The following RCOR1 variants were observed in gnomAD, a reference collection of about 807,000 sequenced individuals.
RCOR1 encodes the protein REST corepressor.
Under a neutral mutation model 64.0 loss-of-function variants are expected in RCOR1, and 12 were observed. The ratio of observed to expected loss-of-function variants is 0.19; its 90% CI spans 0.12 to 0.30. The LOEUF (loss-of-function observed/expected upper bound fraction) is 0.30, where lower values mean the gene tolerates loss of function less well. Ranked by LOEUF, RCOR1 falls within the 10% of genes least tolerant of loss-of-function variation. The probability of loss-of-function intolerance (pLI) is 1.00; values close to 1 mark genes in which losing one functional copy is unlikely to be tolerated. For synonymous variants in RCOR1, 279 were observed against 227.2 expected (o/e 1.23, Z -2.05); for missense variants, 502 against 621.2 (o/e 0.81, Z 2.04).
At chr14:102,632,712 CCTT>C in intron 2 of RCOR1, among the ~76,000 whole-genome samples, 1 of 106,766 alleles carries the variant, frequency 9.4e-6, no homozygotes, top group Non-Finnish European at 1.9e-5. Context: ...CTTTCCTTTT[CCTT>C]TCCTTTCCTT....
intron 2 of RCOR1, among the ~76,000 whole-genome samples, chr14:102,617,188 T>C (rs1249541089): frequency 1.3e-5 from 2 of 152,226 alleles, no homozygotes; most frequent in African/African-American, 2.4e-5. Context: ...TCTAAATGCA[T>C]GCAGTTTTTT....
chr14:102,594,001 C>T (rs1189707383), intron 2 of RCOR1, among the ~76,000 whole-genome samples: 1 of 152,110 alleles, frequency 6.6e-6, no homozygotes, highest in African/African-American at 2.4e-5. Flanking sequence ...TGAGAAGCAT[C>T]AGAAGCTTTA....
At position 102,642,449 on chromosome 14, in the gene RCOR1, G is replaced by T. The variant is rs547740200; in HGVS notation, c.362-39446G>T. On this transcript the variant is annotated intron_variant, in intron 2 of 11. Coordinates refer to ENST00000262241, the MANE Select transcript of RCOR1 (RefSeq NM_015156.4). ...TCATTTGTTAAGAGTGATAATATTTGTCTCATAGGGTTGATACAAGGAGGA... is the reference window on the plus strand; with the variant it reads ...TCATTTGTTAAGAGTGATAATATTTTTCTCATAGGGTTGATACAAGGAGGA... Among the ~76,000 whole-genome samples, 5 of 152,320 alleles carry T rather than the reference G, an allele frequency of 3.3e-5. No homozygotes were observed. In the South Asian group the frequency reaches 1.0e-3, roughly 32 times the overall value.
At chr14:102,637,590 A>G (rs1894271052) in intron 2 of RCOR1, among the ~76,000 whole-genome samples, 1 of 152,074 alleles carries the variant, frequency 6.6e-6, no homozygotes. Context: ...AGCTAGGACC[A>G]CAGGCACCAT....
At chr14:102,657,464 A>T (rs1894750170) in intron 2 of RCOR1, 1 of 984,076 alleles carries the variant, frequency 1.0e-6, no homozygotes, top group African/African-American at 1.7e-5. Context: ...AGTCTTACTC[A>T]TCCTTTTTGA....
intron 2 of RCOR1, among the ~76,000 whole-genome samples, chr14:102,622,873 G>A (rs12588817): frequency 0.55 from 83,153 of 152,044 alleles, 25,182 homozygotes; most frequent in South Asian, 0.7. Context: ...CCTGATTTTT[G>A]CTGCTTAATC....
chr14:102,657,380 T>C, intron 2 of RCOR1: 1 of 985,382 alleles, frequency 1.0e-6, no homozygotes, highest in Non-Finnish European at 1.2e-6. Context: ...ACCGATTTAC[T>C]TCTTCTTGGA....
chr14:102,724,575 C>G (rs115333952), intron 11 of RCOR1, among the ~76,000 whole-genome samples: 1 of 152,140 alleles, frequency 6.6e-6, no homozygotes, highest in African/African-American at 2.4e-5. Context: ...TCAAGTGATC[C>G]GCTCGCCTCT....
chr14:102,673,702 G>A (rs1895080968), intron 2 of RCOR1, among the ~76,000 whole-genome samples: 1 of 151,704 alleles, frequency 6.6e-6, no homozygotes. Flanking sequence ...CGCAACCTCC[G>A]CCTCCCGGGT....
At chr14:102,709,664 A>G (rs1231050920) in intron 6 of RCOR1, among the ~76,000 whole-genome samples, 1 of 152,236 alleles carries the variant, frequency 6.6e-6, no homozygotes, top group African/African-American at 2.4e-5. Flanking sequence ...ATTATCGACC[A>G]TGATACATCT....
chr14:102,671,082 TA>T (rs1377225081), intron 2 of RCOR1, among the ~76,000 whole-genome samples: 1 of 152,132 alleles, frequency 6.6e-6, no homozygotes, highest in Non-Finnish European at 1.5e-5. Flanking sequence ...CCCTATCTTA[TA>T]ATTATTGATA....
At chr14:102,597,202 C>G (rs375913577) in intron 2 of RCOR1, among the ~76,000 whole-genome samples, 48 of 152,060 alleles carry the variant, frequency 3.2e-4, no homozygotes, top group African/African-American at 1.1e-3. Context: ...TGTCTTTGTT[C>G]TTCTCTTTTA....
rs980318944 is a variant in RCOR1, at chr14:102,722,218, A to C, written c.1221A>C (p.Ala407=). Residue 407 remains alanine (A), a synonymous_variant, in exon 11 of 12, where the codon GCA becomes GCC. Coordinates refer to ENST00000262241, the MANE Select transcript of RCOR1 (RefSeq NM_015156.4). ...GGAAATATGGCCGAGATTTTCAGGCAATCTCAGACGTGATTGGGAACAAAT... is the reference window on the plus strand; with the variant it reads ...GGAAATATGGCCGAGATTTTCAGGCCATCTCAGACGTGATTGGGAACAAAT... ...AIRKYGRDFQ[A]ISDVIGNKSV... 1.9e-6 allele frequency: 3 copies of C among 1,614,046 alleles called. No homozygotes were observed. The African/African-American group carries it at 4.0e-5, about 22-fold the overall frequency.
chr14:102,701,188 C>A, intron 3 of RCOR1, 90 bp from the exon 4 acceptor site: 1 of 1,047,070 alleles, frequency 9.6e-7, no homozygotes, highest in Non-Finnish European at 1.5e-6. Context: ...TATCAGCAGG[C>A]CTGAAATATA....
At chr14:102,706,662 C>T (rs1212814181) in intron 4 of RCOR1, among the ~76,000 whole-genome samples, 2 of 152,010 alleles carry the variant, frequency 1.3e-5, no homozygotes, top group East Asian at 1.9e-4. Context: ...CCTGTCTCTA[C>T]AGAAAGTACA....
At chr14:102,706,653 C>G (rs1024050453) in intron 4 of RCOR1, among the ~76,000 whole-genome samples, 5 of 152,108 alleles carry the variant, frequency 3.3e-5, no homozygotes, top group African/African-American at 7.2e-5. Context: ...TGGCAAAACC[C>G]TGTCTCTACA....
intron 10 of RCOR1, 186 bp downstream of exon 10, chr14:102,721,563 A>ATT: frequency 2.4e-5 from 8 of 334,162 alleles, no homozygotes; most frequent in East Asian, 4.8e-5. Flanking sequence ...AAAAAAAAAA[A>ATT]TTTTTTTTTT....
At chr14:102,624,152 C>T (rs1026082894) in intron 2 of RCOR1, among the ~76,000 whole-genome samples, 26 of 151,614 alleles carry the variant, frequency 1.7e-4, no homozygotes, top group African/African-American at 5.6e-4. Context: ...GCTGAAATTG[C>T]GCCACTGCAC....
chr14:102,643,259 G>A (rs1894409226), intron 2 of RCOR1: 14 of 749,992 alleles, frequency 1.9e-5, no homozygotes, highest in Non-Finnish European at 2.3e-5. Flanking sequence ...ACTCCAGCCT[G>A]GGCGACAGAG....
Sources: gnomAD v4.1 joint callset for allele counts (sites outside exome capture counted in the v4.1 genomes callset) on GRCh38, gnomAD v4.1.1 for gene constraint, MANE v1.5 for transcripts, NCBI Gene and HGNC (gene_info 2026-07-23, HGNC 2026-07-21) for gene names.